The following RAD21L1 variants were observed in gnomAD, a reference collection of about 807,000 sequenced individuals.
RAD21L1 encodes RAD21 cohesin complex component like 1.
RAD21L1 carries 47 observed loss-of-function variants against 69.0 expected under a neutral mutation model. The ratio of observed to expected loss-of-function variants is 0.68; its 90% CI spans 0.54 to 0.87. RAD21L1 has a LOEUF of 0.87. Ranked by LOEUF, RAD21L1 falls within the 40% of genes least tolerant of loss-of-function variation. RAD21L1 has a pLI of 0.00. For missense variants in RAD21L1, 583 were observed against 647.6 expected (o/e 0.90, Z 1.08); for synonymous variants, 177 against 205.8 (o/e 0.86, Z 1.20).
At chr20:1,243,570 A>G (rs1222166134) in intron 10 of RAD21L1, among the ~76,000 whole-genome samples, 2 of 152,228 alleles carry the variant, frequency 1.3e-5, no homozygotes, top group Non-Finnish European at 2.9e-5. Flanking sequence ...ATGTAAGGAT[A>G]AGAACAGCAC....
intron 2 of RAD21L1, among the ~76,000 whole-genome samples, chr20:1,229,597 C>G (rs1439704349): frequency 6.6e-6 from 1 of 152,184 alleles, no homozygotes; most frequent in Non-Finnish European, 1.5e-5. Context: ...ACAGCCTCAG[C>G]AACTGAACCA....
chr20:1,226,552 C>T (rs1344101442), intron 1 of RAD21L1, among the ~76,000 whole-genome samples: 1 of 152,104 alleles, frequency 6.6e-6, no homozygotes, highest in Non-Finnish European at 1.5e-5. Flanking sequence ...CGGCTCAGCC[C>T]TCTCTCCCCA....
At position 1,229,978 on chromosome 20, in the gene RAD21L1, A is replaced by G. The variant is rs141892713; in HGVS notation, c.243A>G (p.Ala81=). 5.0e-5 allele frequency: 77 copies of G among 1,550,432 alleles called. No individual in the cohort carries two copies. The East Asian group carries it at 1.8e-3, about 37-fold the overall frequency. Reference sequence around the variant, plus strand: ...ATCTTTTGGCAGATTGCAGTGAAGCATTTCTTAAAATGAAGATGACATTTT... The same window carrying G: ...ATCTTTTGGCAGATTGCAGTGAAGCGTTTCTTAAAATGAAGATGACATTTT... The part of the protein sequence containing the change: ...AKYLLADCSE[A]FLKMKMTFCP... The change falls in exon 3 of 14, where the codon GCA becomes GCG. Residue 81 remains alanine, a synonymous_variant. Coordinates refer to ENST00000683101, the MANE Select transcript of RAD21L1 (RefSeq NM_001384355.1).
chr20:1,243,159 G>T lies in RAD21L1; in HGVS notation c.1146G>T (p.Glu382Asp), dbSNP rs1474007944. ...TTGGAAGAAAAATGATACAGAAGGA[G>T]TCAGTAAGGGAAGAAGTGGGAAACC... ...FKLGRKMIQKESVREEVGNQN... is the reference protein window; with the variant it reads ...FKLGRKMIQKDSVREEVGNQN... Residue 382 changes from glutamate (E) to aspartate (D), a missense_variant, in exon 10 of 14, where the codon GAG becomes GAT. By Grantham distance (45) the Glu-to-Asp change is conservative. Coordinates refer to ENST00000683101, the MANE Select transcript of RAD21L1 (RefSeq NM_001384355.1). The T allele has an allele frequency of 4.5e-6, 7 of 1,538,904 alleles. No individual in the cohort carries two copies. Among genetic ancestry groups the T allele is most frequent in the Non-Finnish European group, 6.1e-6 (7 of 1,141,124 alleles).
At chr20:1,238,324 T>C (rs1004268990) in intron 6 of RAD21L1, 110 bp downstream of exon 6, 71 of 767,346 alleles carry the variant, frequency 9.3e-5, no homozygotes, top group Non-Finnish European at 1.3e-4. Flanking sequence ...TTTTGTGTTA[T>C]GTAGGTCAAT....
chr20:1,251,771 GT>G (rs909425853), intron 13 of RAD21L1, among the ~76,000 whole-genome samples: 4 of 151,482 alleles, frequency 2.6e-5, no homozygotes, highest in South Asian at 2.1e-4. Context: ...TTTTCCAGGA[GT>G]TTTTTTTCTT....
chr20:1,252,516 CAG>C (rs138066535), intron 13 of RAD21L1, among the ~76,000 whole-genome samples: 4,217 of 152,246 alleles, frequency 0.028, 207 homozygotes, highest in African/African-American at 0.095. Context: ...TCTCACTGTT[CAG>C]AGTGTAGAAT....
intron 11 of RAD21L1, among the ~76,000 whole-genome samples, chr20:1,245,607 T>C (rs7262435): frequency 0.061 from 9,249 of 152,112 alleles, 386 homozygotes; most frequent in South Asian, 0.1. Context: ...TCTATAGCAA[T>C]GAGAAGGGAA....
Position 1,244,117 on chromosome 20 carries a change from G to T in RAD21L1, c.1255G>T (p.Gly419Cys), listed in dbSNP as rs1295385153. 2 of 1,549,234 alleles carry T rather than the reference G, an allele frequency of 1.3e-6. No homozygotes were observed. The highest frequency in any genetic ancestry group is 3.9e-5 in the Admixed American group (2 of 50,954). Residue 419 changes from glycine (G) to cysteine (C), a missense_variant, in exon 11 of 14, where the codon GGT becomes TGT. By Grantham distance (159) the Gly-to-Cys change is radical. Coordinates refer to ENST00000683101, the MANE Select transcript of RAD21L1 (RefSeq NM_001384355.1). ...SKPQTWKDVI[G>C]GSQHSSHEDT... The stretch of plus-strand genomic sequence containing the variant: ...ACCCCAAACTTGGAAGGATGTGATT[G>T]GTGGATCTCAGCATAGCTCTCATGA...
chr20:1,252,207 G>C (rs1408880724), intron 13 of RAD21L1, among the ~76,000 whole-genome samples: 1 of 152,088 alleles, frequency 6.6e-6, no homozygotes, highest in Non-Finnish European at 1.5e-5. Context: ...TTTAATATTA[G>C]AGATTTTACT....
At position 1,254,022 on chromosome 20, in the gene RAD21L1, A is replaced by G. The variant is rs536883095; in HGVS notation, c.1480-247A>G. On this transcript the variant is annotated intron_variant, in intron 13 of 13. Coordinates refer to ENST00000683101, the MANE Select transcript of RAD21L1 (RefSeq NM_001384355.1). The stretch of plus-strand genomic sequence containing the variant: ...TAAAAAGGCCTATCATTTGTATAAC[A>G]CATTATAAATTTATATAACACTTCG... 8.5e-5 allele frequency among the ~76,000 whole-genome samples: 13 copies of G among 152,318 alleles called. 1 individual carries two copies. The highest frequency in any genetic ancestry group is 1.6e-4 in the Non-Finnish European group (11 of 68,018).
chr20:1,249,222 C>T (rs2087776891), intron 13 of RAD21L1, among the ~76,000 whole-genome samples: 1 of 152,050 alleles, frequency 6.6e-6, no homozygotes, highest in Non-Finnish European at 1.5e-5. Flanking sequence ...TCTTAATAAA[C>T]ATGCTTTTAG....
chr20:1,228,725 A>C (rs2087319216), intron 2 of RAD21L1, 128 bp downstream of exon 2: 1 of 678,240 alleles, frequency 1.5e-6, no homozygotes. Context: ...CTTTCCTTTA[A>C]TTCCTATAGC....
chr20:1,228,631 A>T (rs2087316010), intron 2 of RAD21L1, 34 bp downstream of exon 2: 1 of 1,414,472 alleles, frequency 7.1e-7, no homozygotes, highest in East Asian at 2.7e-5. Flanking sequence ...GCTTGTATTT[A>T]TCATGACTTT....
intron 13 of RAD21L1, 111 bp from the exon 14 acceptor site, chr20:1,254,158 G>T: frequency 1.5e-6 from 1 of 675,830 alleles, no homozygotes; most frequent in Non-Finnish European, 2.3e-6. Context: ...GGATTTTATA[G>T]TCATTTATCC....
At chr20:1,240,983 C>T (rs2087596316) in intron 8 of RAD21L1, among the ~76,000 whole-genome samples, 1 of 152,170 alleles carries the variant, frequency 6.6e-6, no homozygotes, top group African/African-American at 2.4e-5. Flanking sequence ...TTTCTTCTAC[C>T]TCTGACTTGC....
At position 1,226,063 on chromosome 20, in the gene RAD21L1, A is replaced by C. The variant is rs976423378; in HGVS notation, c.-110A>C. On this transcript the variant is annotated 5_prime_UTR_variant, in exon 1 of 14. Transcript: ENST00000683101. ...CGCATTGCAGACGCCCAGCGGCGCC[A>C]AGAACCCGGCCAAGCTGACTTGGCG... 1 of 46,380 alleles carries C rather than the reference A, an allele frequency of 2.2e-5. No individual in the cohort carries two copies. Among genetic ancestry groups the C allele is most frequent in the Admixed American group, 2.3e-4 (1 of 4,304 alleles). 2.9% of individuals were successfully genotyped at this position (46,380 alleles called of 1,614,324 possible). A position where few individuals can be genotyped will look rare whatever the true frequency, so the allele number is the denominator to read the frequency against.
intron 5 of RAD21L1, among the ~76,000 whole-genome samples, chr20:1,235,809 C>T (rs2087483430): frequency 6.6e-6 from 1 of 151,910 alleles, no homozygotes; most frequent in Non-Finnish European, 1.5e-5. Context: ...GTTCTGTCAC[C>T]CAGGCTGCAG....
intron 6 of RAD21L1, among the ~76,000 whole-genome samples, chr20:1,239,050 C>T (rs759208897): frequency 2.2e-4 from 33 of 152,140 alleles, no homozygotes; most frequent in Non-Finnish European, 4.0e-4. Flanking sequence ...TGATCTCAAA[C>T]TCCTGACCTC....
Sources: allele counts gnomAD v4.1 joint callset (sites outside exome capture counted in the v4.1 genomes callset), GRCh38; gene constraint gnomAD v4.1.1; transcripts MANE v1.5; gene names NCBI Gene and HGNC (gene_info 2026-07-23, HGNC 2026-07-21).